The following PIK3CD variants were observed in gnomAD, a reference collection of about 807,000 sequenced individuals.
PIK3CD encodes the protein phosphatidylinositol-4,5-bisphosphate 3-kinase catalytic subunit delta.
In PIK3CD, 20 loss-of-function variants were observed where a neutral mutation model predicts 122.9. The ratio of observed to expected loss-of-function variants is 0.16; its 90% CI spans 0.11 to 0.24. The LOEUF (loss-of-function observed/expected upper bound fraction) is 0.24, where lower values mean the gene tolerates loss of function less well. PIK3CD is among the 10% of genes least tolerant of loss of function. The pLI is 1.00. For missense variants in PIK3CD, 787 were observed against 1,406.3 expected (o/e 0.56, Z 7.04); for synonymous variants, 596 against 593.4 (o/e 1.00, Z -0.06).
rs945546919 is a variant in PIK3CD at position 9,726,808 on chromosome 1, T to C, written c.2998-101T>C. On this transcript the variant is annotated intron_variant, in intron 23 of 23. Coordinates refer to ENST00000377346, the MANE Select transcript of PIK3CD (RefSeq NM_005026.5). ...TCCTGAGATGCTGGGAGCTCTCTAC[T>C]AACCATTTCATTCAGTGACTCTGAA... 5 of 1,450,594 alleles carry C rather than the reference T, an allele frequency of 3.4e-6. No homozygotes were observed. The African/African-American group carries it at 5.6e-5, about 16-fold the overall frequency. The allele number at this position is 1,450,594 out of a possible 1,614,324, so 89.9% of individuals were successfully genotyped here.
intron 1 of PIK3CD, among the ~76,000 whole-genome samples, chr1:9,680,273 G>T: frequency 6.9e-6 from 1 of 145,128 alleles, no homozygotes; most frequent in South Asian, 2.2e-4. Context: ...ACCAAACCCC[G>T]CCTCAGTGGT....
rs1388973234 is a variant in PIK3CD at position 9,715,449 on chromosome 1, C to A, written c.142-92C>A. 2.7e-6 allele frequency: 3 copies of A among 1,126,850 alleles called. No individual in the cohort carries two copies. Among genetic ancestry groups the A allele is most frequent in the African/African-American group, 3.1e-5 (2 of 65,422 alleles). The allele number at this position is 1,126,850 out of a possible 1,614,324, so 69.8% of individuals were successfully genotyped here. A position where few individuals can be genotyped will look rare whatever the true frequency, so the allele number is the denominator to read the frequency against. On this transcript the variant is annotated intron_variant, in intron 3 of 23. Transcript: ENST00000377346. This position sits in a 1 kb window ranked among gnomAD's most constrained non-coding sequence, Gnocchi z 4.1. ...CTGCCCTCTGGGAGGTTTGGACCCC[C>A]AGGCTGGAGGCCAGCTCTCCACCCT... is the stretch of plus-strand genomic sequence containing the variant.
At chr1:9,682,980 C>G (rs1645815070) in intron 1 of PIK3CD, among the ~76,000 whole-genome samples, 1 of 151,734 alleles carries the variant, frequency 6.6e-6, no homozygotes, top group African/African-American at 2.4e-5. Context: ...ATAGGGGTGA[C>G]CCAGTGCCAT....
chr1:9,637,652 T>G, the PIK3CD span, among the ~76,000 whole-genome samples: 13 of 152,052 alleles, frequency 8.5e-5, no homozygotes, highest in African/African-American at 3.1e-4. Context: ...TCTTCCACCT[T>G]CTGGTGGCTC....
chr1:9,718,683 A>C lies in PIK3CD; in HGVS notation c.1021-11A>C, dbSNP rs779511078. The C allele has an allele frequency of 6.2e-7, 1 of 1,601,036 alleles. No homozygotes were observed. Among genetic ancestry groups the C allele is most frequent in the South Asian group, 1.1e-5 (1 of 90,980 alleles). On this transcript the variant is annotated splice_polypyrimidine_tract_variant and intron_variant, in intron 8 of 23. Transcript: ENST00000377346. This position sits in a 1 kb window ranked among gnomAD's most constrained non-coding sequence, Gnocchi z 7.2. ...CTGCCTCCTCACCCATCATCCCGGC[A>C]CCTTCTACAGCTGGTGGTGCAGGCC...
intron 2 of PIK3CD, among the ~76,000 whole-genome samples, chr1:9,692,591 G>A (rs1429961123): frequency 1.3e-5 from 2 of 151,970 alleles, no homozygotes; most frequent in African/African-American, 2.4e-5. Flanking sequence ...TTAGCTGGGC[G>A]TAGTGGTGGG....
At chr1:9,653,692 G>A in intron 1 of PIK3CD, 3 of 770,142 alleles carry the variant, frequency 3.9e-6, no homozygotes, top group South Asian at 3.1e-5. Context: ...GCGACCAAAC[G>A]CAAGGAGATA....
intron 2 of PIK3CD, among the ~76,000 whole-genome samples, chr1:9,703,312 C>T (rs547779223): frequency 3.0e-4 from 45 of 152,374 alleles, no homozygotes; most frequent in South Asian, 4.1e-4. Context: ...TCCCCATGGC[C>T]TGGGCAAACT....
At chr1:9,725,052 T>TGC in intron 23 of PIK3CD, 116 bp downstream of exon 23, 1 of 1,299,068 alleles carries the variant, frequency 7.7e-7, no homozygotes, top group Non-Finnish European at 1.1e-6. Flanking sequence ...GAGCTGTGTG[T>TGC]GCCTCATGCC....
chr1:9,631,134 C>A, the PIK3CD span, among the ~76,000 whole-genome samples: 1 of 152,204 alleles, frequency 6.6e-6, no homozygotes, highest in African/African-American at 2.4e-5. Context: ...GTGCCACTCA[C>A]CTGTCTGCCC....
chr1:9,649,609 G>T (rs114287786), upstream of PIK3CD, among the ~76,000 whole-genome samples: 11 of 152,156 alleles, frequency 7.2e-5, no homozygotes, highest in Non-Finnish European at 1.5e-4. Context: ...CATCTCTTGG[G>T]TAGAAAAAGT....
upstream of PIK3CD, among the ~76,000 whole-genome samples, chr1:9,650,993 C>T (rs909957210): frequency 6.6e-6 from 1 of 152,128 alleles, no homozygotes; most frequent in South Asian, 2.1e-4. Flanking sequence ...ACAAGGTGTG[C>T]ACCACCACGA....
intron 1 of PIK3CD, among the ~76,000 whole-genome samples, chr1:9,657,150 G>A (rs1441134703): frequency 6.6e-6 from 1 of 152,080 alleles, no homozygotes; most frequent in Non-Finnish European, 1.5e-5. Flanking sequence ...TCTCCTCCGT[G>A]TGTCTGGGTC....
chr1:9,654,540 G>A (rs1158477687), intron 1 of PIK3CD: 7 of 629,000 alleles, frequency 1.1e-5, no homozygotes, highest in Non-Finnish European at 1.8e-5. Flanking sequence ...GTGGGAGTGG[G>A]GATGGTGAGA....
chr1:9,697,219 G>C (rs900778710), intron 2 of PIK3CD, among the ~76,000 whole-genome samples: 7 of 151,120 alleles, frequency 4.6e-5, no homozygotes, highest in African/African-American at 1.7e-4. Flanking sequence ...TTTCATAAAA[G>C]ATTTTTTAAA....
At position 9,720,810 on chromosome 1, in the gene PIK3CD, G is replaced by C. The variant is rs779922255; in HGVS notation, c.1590G>C (p.Leu530=). 1 of 1,613,170 alleles carries C rather than the reference G, an allele frequency of 6.2e-7. No individual in the cohort carries two copies. The highest frequency in any genetic ancestry group is 1.1e-5 in the South Asian group (1 of 91,004). Residue 530 remains leucine, a synonymous_variant, in exon 13 of 24, where the codon CTG becomes CTC. Coordinates refer to ENST00000377346, the MANE Select transcript of PIK3CD (RefSeq NM_005026.5). The surrounding 1 kb of genome is among the most constrained non-coding windows in gnomAD (Gnocchi z 9.0). ...AGCTGTATGAGCACGAGAAGGACCT[G>C]GTGTGGAAGCTGCGGCATGAAGTCC... ...SGELYEHEKD[L]VWKLRHEVQE...
the PIK3CD span, among the ~76,000 whole-genome samples, chr1:9,639,796 C>T: frequency 9.9e-5 from 15 of 152,154 alleles, no homozygotes; most frequent in Non-Finnish European, 1.8e-4. Flanking sequence ...GTGGCGCGAT[C>T]GTGGCTCACT....
In PIK3CD at chr1:9,719,090, G is replaced by A. The variant is rs1046823259; in HGVS notation, c.1242+175G>A. On this transcript the variant is annotated intron_variant, in intron 9 of 23. Transcript: ENST00000377346. This position sits in a 1 kb window ranked among gnomAD's most constrained non-coding sequence, Gnocchi z 5.5. ...CCTAGTCTGGCCACCAGCCCTGCTC[G>A]AGGGACACTCTGGGCTCCTGGGCTC... 4.6e-5 allele frequency among the ~76,000 whole-genome samples: 7 copies of A among 152,240 alleles called. No homozygotes were observed. The highest frequency in any genetic ancestry group is 1.7e-4 in the African/African-American group (7 of 41,470).
the PIK3CD span, among the ~76,000 whole-genome samples, chr1:9,627,258 G>A: frequency 2.6e-5 from 4 of 152,360 alleles, no homozygotes; most frequent in East Asian, 5.8e-4. Context: ...GGATGCCCGG[G>A]GGAGACGCCG....
Sources: allele counts gnomAD v4.1 joint callset (sites outside exome capture counted in the v4.1 genomes callset), GRCh38; gene constraint gnomAD v4.1.1; non-coding constraint Gnocchi (gnomAD v3.1); transcripts MANE v1.5; gene names NCBI Gene and HGNC (gene_info 2026-07-23, HGNC 2026-07-21).